CBFB: variants seen among roughly 807,000 people sequenced by gnomAD.
CBFB encodes core-binding factor subunit beta.
CBFB carries 9 observed loss-of-function variants against 30.4 expected under a neutral mutation model. The ratio of observed to expected loss-of-function variants is 0.30; its 90% CI spans 0.18 to 0.52. The LOEUF is 0.52. CBFB is among the 20% of genes least tolerant of loss of function. CBFB has a pLI of 0.97. For missense variants in CBFB, 170 were observed against 244.0 expected, an observed-to-expected ratio of 0.70 and a Z score of 2.02; for synonymous variants, 94 against 84.0, an observed-to-expected ratio of 1.12 and a Z score of -0.65.
chr16:67,029,888 G>A (rs1009439923), intron 2 of CBFB, 75 bp downstream of exon 2: 11 of 973,696 alleles, frequency 1.1e-5, no homozygotes, highest in Non-Finnish European at 1.6e-5. Flanking sequence ...GGTTCCGGAC[G>A]GCGGCGCGGC....
intron 4 of CBFB, among the ~76,000 whole-genome samples, chr16:67,076,996 C>G (rs1961418665): frequency 6.6e-6 from 1 of 151,706 alleles, no homozygotes; most frequent in South Asian, 2.1e-4. Flanking sequence ...GTTATATAAA[C>G]TATAACTTCT....
intron 3 of CBFB, among the ~76,000 whole-genome samples, chr16:67,057,467 T>A (rs867511000): frequency 6.6e-6 from 1 of 152,204 alleles, no homozygotes; most frequent in Non-Finnish European, 1.5e-5. Context: ...TTCACAGACG[T>A]GGCATTGCTG....
intron 4 of CBFB, among the ~76,000 whole-genome samples, chr16:67,077,935 G>C (rs1031141261): frequency 1.3e-5 from 2 of 152,190 alleles, no homozygotes; most frequent in African/African-American, 4.8e-5. Flanking sequence ...ACCTGGCTAC[G>C]TTGTGCAGGT....
intron 5 of CBFB, 151 bp from the exon 6 acceptor site, chr16:67,098,559 G>T: frequency 3.5e-6 from 2 of 566,264 alleles, no homozygotes; most frequent in Non-Finnish European, 6.3e-6. Flanking sequence ...AATTTTAATT[G>T]GTTTTTTTTT....
intron 4 of CBFB, among the ~76,000 whole-genome samples, chr16:67,071,258 G>A (rs1440405915): frequency 6.6e-6 from 1 of 152,186 alleles, no homozygotes; most frequent in Non-Finnish European, 1.5e-5. Context: ...TGAACTGAAT[G>A]TTTGTTTACC....
chr16:67,071,533 G>GA (rs1833414288), intron 4 of CBFB, among the ~76,000 whole-genome samples: 1 of 152,184 alleles, frequency 6.6e-6, no homozygotes, highest in African/African-American at 2.4e-5. Context: ...GGGATTGCTA[G>GA]TCTCCAGAAA....
intron 4 of CBFB, among the ~76,000 whole-genome samples, chr16:67,073,529 TGA>T (rs1961295040): frequency 6.6e-6 from 1 of 152,184 alleles, no homozygotes; most frequent in South Asian, 2.1e-4. Flanking sequence ...GTGGATCACT[TGA>T]GGTCAGGAGT....
At chr16:67,089,987 T>A (rs998846664) in intron 5 of CBFB, among the ~76,000 whole-genome samples, 1 of 152,236 alleles carries the variant, frequency 6.6e-6, no homozygotes, top group South Asian at 2.1e-4. Context: ...ATCCTAACTT[T>A]AGACTATGAA....
intron 2 of CBFB, among the ~76,000 whole-genome samples, chr16:67,033,190 A>T (rs2145708004): frequency 6.6e-6 from 1 of 152,190 alleles, no homozygotes; most frequent in East Asian, 1.9e-4. Context: ...TTGCATTTAG[A>T]TGTGAAATAA....
At chr16:67,075,756 T>TA (rs976246819) in intron 4 of CBFB, among the ~76,000 whole-genome samples, 11 of 152,102 alleles carry the variant, frequency 7.2e-5, no homozygotes, top group Admixed American at 5.9e-4. Context: ...GTCACACAAA[T>TA]ACACTGAGAA....
intron 3 of CBFB, among the ~76,000 whole-genome samples, chr16:67,039,546 C>A (rs1185217126): frequency 6.6e-6 from 1 of 152,138 alleles, no homozygotes; most frequent in African/African-American, 2.4e-5. Flanking sequence ...TTTTCAGATT[C>A]ATTATAATCT....
At chr16:67,067,244 C>T (rs1186775646) in intron 4 of CBFB, among the ~76,000 whole-genome samples, 2 of 150,230 alleles carry the variant, frequency 1.3e-5, no homozygotes, top group East Asian at 3.9e-4. Context: ...GACGTGGTGG[C>T]TCACACCTGT....
intron 5 of CBFB, among the ~76,000 whole-genome samples, chr16:67,087,600 CTA>C (rs1296018252): frequency 6.6e-6 from 1 of 152,112 alleles, no homozygotes; most frequent in Non-Finnish European, 1.5e-5. Context: ...TTTGATTTTT[CTA>C]ATTTAAAATG....
rs902402514 is a variant in CBFB at position 67,051,909 on chromosome 16, G to GTA, written c.283-14770_283-14769dup. Among the ~76,000 whole-genome samples the GTA allele has an allele frequency of 5.5e-5, 7 of 126,510 alleles. No individual in the cohort carries two copies. In the East Asian group the frequency reaches 1.0e-3, roughly 19 times the overall value. The allele number at this position is 126,510 out of a possible 152,430, so 83.0% of individuals were successfully genotyped here. ...GGATTACAGGCATATATATATATGT[G>GTA]TATACACACACACACACACACACAC... On this transcript the variant is annotated intron_variant, in intron 3 of 5. Transcript: ENST00000412916.
chr16:67,083,697 T>TC (rs1242641224), intron 5 of CBFB, among the ~76,000 whole-genome samples: 1 of 152,152 alleles, frequency 6.6e-6, no homozygotes, highest in African/African-American at 2.4e-5. Context: ...TGAGCTTTTT[T>TC]CCCCCCACTT....
chr16:67,034,734 C>T (rs777719977), intron 2 of CBFB, among the ~76,000 whole-genome samples: 5 of 152,140 alleles, frequency 3.3e-5, no homozygotes, highest in Admixed American at 6.5e-5. Flanking sequence ...TTTGCTACTA[C>T]GTGAATACTG....
At chr16:67,055,147 T>C (rs927463281) in intron 3 of CBFB, among the ~76,000 whole-genome samples, 1 of 152,000 alleles carries the variant, frequency 6.6e-6, no homozygotes, top group Non-Finnish European at 1.5e-5. Context: ...CAGCTTTTCA[T>C]GTAAGAAAAG....
intron 5 of CBFB, among the ~76,000 whole-genome samples, chr16:67,095,780 C>T (rs540326818): frequency 2.0e-5 from 3 of 151,486 alleles, no homozygotes; most frequent in South Asian, 4.2e-4. Context: ...ACAACCTCTG[C>T]CTTTCTGGTT....
intron 3 of CBFB, among the ~76,000 whole-genome samples, chr16:67,048,593 G>C (rs917250207): frequency 6.6e-6 from 1 of 151,952 alleles, no homozygotes; most frequent in Admixed American, 6.6e-5. Flanking sequence ...CTCTGTTGTC[G>C]AGGCTGGAGT....
Sources: allele counts gnomAD v4.1 joint callset (sites outside exome capture counted in the v4.1 genomes callset), GRCh38; gene constraint gnomAD v4.1.1; transcripts MANE v1.5; gene names NCBI Gene and HGNC (gene_info 2026-07-23, HGNC 2026-07-21).